COMMD9: variants seen among roughly 807,000 people sequenced by gnomAD.
COMMD9 encodes COMM domain-containing protein 9.
A neutral mutation model predicts 23.4 loss-of-function variants in COMMD9; 22 were observed. The observed-to-expected ratio is 0.94, with a 90% CI of 0.67 to 1.34. COMMD9 has a LOEUF of 1.34. Ranked by LOEUF, COMMD9 falls within the 40% of genes most tolerant of loss-of-function variation. The probability of loss-of-function intolerance (pLI) is 0.00; values close to 1 mark genes in which losing one functional copy is unlikely to be tolerated. For synonymous variants in COMMD9, 99 were observed against 97.4 expected (o/e 1.02, Z -0.10); for missense variants, 231 against 240.2 (o/e 0.96, Z 0.25).
chr11:36,284,180 A>G (rs930476795), intron 1 of COMMD9, among the ~76,000 whole-genome samples: 7 of 152,350 alleles, frequency 4.6e-5, no homozygotes, highest in African/African-American at 1.7e-4. Context: ...GCAGGTTGAA[A>G]GTAAAAGAAT....
chr11:36,276,178 T>A lies in COMMD9; in HGVS notation c.415A>T (p.Ile139Phe), dbSNP rs745821550. 4 of 1,614,192 alleles carry A rather than the reference T, an allele frequency of 2.5e-6. No individual in the cohort carries two copies. In the East Asian group the frequency reaches 8.9e-5, roughly 36 times the overall value. ...RVDIKTSSDS[I>F]SRMAVPTCLL... ...CAGGTGGGGACGGCCATGCGGCTGA[T>A]GCTGTCTGAGGAGGTTTTGATATCC... The change falls in exon 5 of 6, where the codon ATC becomes TTC. Residue 139 changes from isoleucine to phenylalanine, a missense_variant. Coordinates refer to ENST00000263401, the MANE Select transcript of COMMD9 (RefSeq NM_014186.4).
At chr11:36,278,664 A>AG (rs1367111619) in intron 2 of COMMD9, 48 bp from the exon 3 acceptor site, 1 of 1,598,260 alleles carries the variant, frequency 6.3e-7, no homozygotes, top group Non-Finnish European at 8.5e-7. Flanking sequence ...AGCAGCAGGC[A>AG]GGGGGCACAA....
chr11:36,276,356 G>A, intron 4 of COMMD9, 116 bp from the exon 5 acceptor site: 4 of 692,738 alleles, frequency 5.8e-6, no homozygotes, highest in Non-Finnish European at 1.0e-5. Flanking sequence ...TATGCAGCAA[G>A]TCTCTGAGAA....
At chr11:36,277,022 T>G in intron 4 of COMMD9, 67 bp downstream of exon 4, 2 of 1,406,626 alleles carry the variant, frequency 1.4e-6, no homozygotes, top group Admixed American at 2.1e-5. Context: ...CTCTGATCAC[T>G]TGGCAGACTG....
At chr11:36,282,095 C>T (rs565722640) in intron 1 of COMMD9, among the ~76,000 whole-genome samples, 1 of 152,018 alleles carries the variant, frequency 6.6e-6, no homozygotes, top group East Asian at 1.9e-4. Flanking sequence ...GTAGAAATTA[C>T]CCACTCAGAA....
Position 36,278,532 on chromosome 11 carries a change from C to T in COMMD9, c.262G>A (p.Glu88Lys), listed in dbSNP as rs1856012667. 2 of 1,614,004 alleles carry T rather than the reference C, an allele frequency of 1.2e-6. No homozygotes were observed. The highest frequency in any genetic ancestry group is 1.7e-6 in the Non-Finnish European group (2 of 1,179,982). Residue 88 changes from glutamate (E) to lysine (K), a missense_variant, in exon 3 of 6, where the codon GAA becomes AAA. Coordinates refer to ENST00000263401, the MANE Select transcript of COMMD9 (RefSeq NM_014186.4). ...SAEAILALFP[E>K]NFHQNLKNLL... ...TTTTTGAGGTTTTGGTGGAAATTTT[C>T]TGGAAAGAGAGCCAGAATTGCCTCG... is the stretch of plus-strand genomic sequence containing the variant.
chr11:36,278,467 G>T lies in COMMD9; in HGVS notation c.317+10C>A. ...AAGTTAGAAGGGACTTTCAAGAAAT[G>T]AGCACTTACACATGTTCTAGGATGA... On this transcript the variant is annotated intron_variant, in intron 3 of 5. Coordinates refer to ENST00000263401, the MANE Select transcript of COMMD9 (RefSeq NM_014186.4). 2 of 1,608,642 alleles carry T rather than the reference G, an allele frequency of 1.2e-6. No homozygotes were observed. Among genetic ancestry groups the T allele is most frequent in the South Asian group, 2.2e-5 (2 of 90,816 alleles).
In COMMD9 at chr11:36,284,300, G is replaced by A. The variant is rs185972001; in HGVS notation, c.52-3463C>T. On this transcript the variant is annotated intron_variant, in intron 1 of 5. Coordinates refer to ENST00000263401, the MANE Select transcript of COMMD9 (RefSeq NM_014186.4). ...AAGAAAATTACCAGAGACAGAGAGG[G>A]ACATTAATAATGAAAGATTTTATCC... Among the ~76,000 whole-genome samples the A allele has an allele frequency of 2.6e-5, 4 of 152,266 alleles. No individual in the cohort carries two copies. In the East Asian group the frequency reaches 7.7e-4, roughly 29 times the overall value.
intron 1 of COMMD9, among the ~76,000 whole-genome samples, chr11:36,284,976 C>T (rs1856127445): frequency 6.6e-6 from 1 of 152,036 alleles, no homozygotes; most frequent in East Asian, 1.9e-4. Flanking sequence ...AACCTATAAA[C>T]AGGAAAGCAT....
chr11:36,288,356 G>GTT (rs59908177), intron 1 of COMMD9, among the ~76,000 whole-genome samples: 3,597 of 126,834 alleles, frequency 0.028, 70 homozygotes, highest in South Asian at 0.071. Flanking sequence ...TTCACCTGGT[G>GTT]TTTAAAAAAA....
At chr11:36,278,753 G>A in intron 2 of COMMD9, 137 bp from the exon 3 acceptor site, 2 of 805,766 alleles carry the variant, frequency 2.5e-6, no homozygotes, top group East Asian at 5.6e-5. Flanking sequence ...AAGTCCAGAG[G>A]CCTCTGTGGC....
chr11:36,289,336 A>G, intron 1 of COMMD9, 26 bp downstream of exon 1: 1 of 1,548,496 alleles, frequency 6.5e-7, no homozygotes. Flanking sequence ...GGGCCACCTC[A>G]CGCTGTCCCC....
chr11:36,285,141 GAC>G (rs1224189279), intron 1 of COMMD9, among the ~76,000 whole-genome samples: 2 of 152,050 alleles, frequency 1.3e-5, no homozygotes, highest in East Asian at 1.9e-4. Context: ...TAAGAGGGGA[GAC>G]ACAAATTATC....
intron 1 of COMMD9, among the ~76,000 whole-genome samples, chr11:36,286,409 A>AAAAAG (rs1287140884): frequency 1.4e-5 from 1 of 71,206 alleles, no homozygotes; most frequent in African/African-American, 4.5e-5. Flanking sequence ...AAAAAAAAAA[A>AAAAAG]AAAAGAAAGA....
Position 36,274,774 on chromosome 11 carries a change from T to C in COMMD9, c.457-2A>G. On this transcript the variant is annotated splice_acceptor_variant, in intron 5 of 5. Coordinates refer to ENST00000263401, the MANE Select transcript of COMMD9 (RefSeq NM_014186.4). LOFTEE classifies it high-confidence loss of function. ...GCATAGGCTGGGATCTTCTTGGATC[T>C]GAAACGAGAACACAGCCCAGAAAGT... 2.5e-6 allele frequency: 4 copies of C among 1,614,214 alleles called. No individual in the cohort carries two copies. The highest frequency in any genetic ancestry group is 3.4e-6 in the Non-Finnish European group (4 of 1,180,018).
At chr11:36,278,701 C>A in intron 2 of COMMD9, 85 bp from the exon 3 acceptor site, 2 of 1,366,202 alleles carry the variant, frequency 1.5e-6, no homozygotes, top group Non-Finnish European at 2.0e-6. Context: ...GGGCTCTACA[C>A]CCCGAAGGCT....
intron 1 of COMMD9, among the ~76,000 whole-genome samples, chr11:36,283,718 A>G (rs1019192192): frequency 2.0e-5 from 3 of 152,212 alleles, no homozygotes; most frequent in African/African-American, 7.2e-5. Context: ...CCTAACATAC[A>G]AATAATTATA....
intron 1 of COMMD9, among the ~76,000 whole-genome samples, chr11:36,286,410 A>AAAAAAGAAAAAAAG (rs1285648187): frequency 9.5e-6 from 1 of 104,824 alleles, no homozygotes; most frequent in African/African-American, 3.9e-5. Flanking sequence ...AAAAAAAAAA[A>AAAAAAGAAAAAAAG]AAAGAAAGAA....
intron 5 of COMMD9, 92 bp downstream of exon 5, chr11:36,276,045 A>G: frequency 3.5e-6 from 3 of 865,796 alleles, no homozygotes; most frequent in Non-Finnish European, 5.7e-6. Context: ...AAAAAAATAT[A>G]TGGGTTAGAG....
Sources: gnomAD v4.1 joint callset for allele counts (sites outside exome capture counted in the v4.1 genomes callset) on GRCh38, gnomAD v4.1.1 for gene constraint, MANE v1.5 for transcripts, NCBI Gene and HGNC (gene_info 2026-07-23, HGNC 2026-07-21) for gene names.